AHRR: variants seen among roughly 807,000 people sequenced by gnomAD.
The protein encoded by AHRR is ahR repressor.
AHRR carries 28 observed loss-of-function variants against 44.0 expected under a neutral mutation model. The ratio of observed to expected loss-of-function variants is 0.64; its 90% CI spans 0.47 to 0.87. The LOEUF is 0.87. Among genes scored for constraint, AHRR ranks in the 40% least tolerant of loss-of-function variants. The pLI is 0.00. For synonymous variants in AHRR, 434 were observed against 407.0 expected (o/e 1.07, Z -0.80); for missense variants, 990 against 953.9 (o/e 1.04, Z -0.50).
At position 437,747 on chromosome 5, in the gene AHRR, G is replaced by A. The variant is rs34847072; in HGVS notation, c.*2913G>A. 1 of 152,330 alleles carries A rather than the reference G, an allele frequency of 6.6e-6. No individual in the cohort carries two copies. Among genetic ancestry groups the A allele is most frequent in the East Asian group, 1.9e-4 (1 of 5,318 alleles). 9.4% of individuals were successfully genotyped at this position (152,330 alleles called of 1,614,324 possible). A position where few individuals can be genotyped will look rare whatever the true frequency, so the allele number is the denominator to read the frequency against. On this transcript the variant is annotated 3_prime_UTR_variant, in exon 11 of 11. Transcript: ENST00000684583. ...TCAGCACGTGGGTGTTGGCTCTGCC[G>A]GTTTTGTGGTGTGGGGACCCTACAG...
chr5:354,373 G>C (rs1428000479), intron 3 of AHRR, among the ~76,000 whole-genome samples: 1 of 152,276 alleles, frequency 6.6e-6, no homozygotes, highest in Non-Finnish European at 1.5e-5. Context: ...GGTGGGACCC[G>C]GGGGCTGCCC....
In AHRR at chr5:383,990, T is replaced by C. The variant is rs1337099414; in HGVS notation, c.351+7274T>C. On this transcript the variant is annotated intron_variant, in intron 4 of 10. Coordinates refer to ENST00000684583, the MANE Select transcript of AHRR (RefSeq NM_001377236.1). The surrounding 1 kb of genome is among the most constrained non-coding windows in gnomAD (Gnocchi z 4.0). ...CAGTATGTAAGTTGGGCCTTGATTT[T>C]TTTTCAATCAAGTCTGACAATCTCT... Among the ~76,000 whole-genome samples, 1 of 152,212 alleles carries C rather than the reference T, an allele frequency of 6.6e-6. No homozygotes were observed. Among genetic ancestry groups the C allele is most frequent in the African/African-American group, 2.4e-5 (1 of 41,456 alleles).
At chr5:332,135 G>T (rs898432066) in intron 1 of AHRR, among the ~76,000 whole-genome samples, 2 of 151,644 alleles carry the variant, frequency 1.3e-5, no homozygotes, top group East Asian at 1.9e-4. Context: ...ATTTATTTAT[G>T]ATTTTATTCC....
At chr5:376,561 G>GGGTGAA (rs1733704564) in intron 3 of AHRR, 49 bp from the exon 4 acceptor site, 12 of 1,479,920 alleles carry the variant, frequency 8.1e-6, no homozygotes, top group East Asian at 2.3e-5. Context: ...AAGAAGAGTG[G>GGGTGAA]CCAGGCCAAG....
intron 4 of AHRR, among the ~76,000 whole-genome samples, chr5:408,181 T>A (rs1181672630): frequency 6.6e-6 from 1 of 152,238 alleles, no homozygotes. Flanking sequence ...CAAAAGCAAG[T>A]GGCAGGCCAT....
intron 4 of AHRR, among the ~76,000 whole-genome samples, chr5:401,993 C>T (rs974100267): frequency 6.6e-6 from 1 of 152,152 alleles, no homozygotes; most frequent in African/African-American, 2.4e-5. Flanking sequence ...GCAAAGGAAA[C>T]CGTCAACACA....
At chr5:329,167 T>C (rs1443717315) in intron 1 of AHRR, among the ~76,000 whole-genome samples, 1 of 152,178 alleles carries the variant, frequency 6.6e-6, no homozygotes, top group East Asian at 1.9e-4. Context: ...ATTTTAGGAT[T>C]ATTTTTCTTT....
Position 432,543 on chromosome 5 carries a change from A to G in AHRR, c.970+19A>G, listed in dbSNP as rs1736778195. On this transcript the variant is annotated intron_variant, in intron 9 of 10. Transcript: ENST00000684583. ...TCAGCAGGTACTTAGAACATTTCTT[A>G]TCTGATCTTTTCCACATGGGTAAAA... 6.2e-7 allele frequency: 1 copy of G among 1,610,808 alleles called. No homozygotes were observed. Among genetic ancestry groups the G allele is most frequent in the East Asian group, 2.2e-5 (1 of 44,866 alleles).
At chr5:422,910 A>G (rs1259133169) in intron 6 of AHRR, 52 bp downstream of exon 6, 12 of 1,552,866 alleles carry the variant, frequency 7.7e-6, no homozygotes, top group Middle Eastern at 1.9e-4. Flanking sequence ...AGGTCCCATA[A>G]CACATCGCTG....
At chr5:420,405 G>C (rs1397155299) in intron 5 of AHRR, among the ~76,000 whole-genome samples, 3 of 140,210 alleles carry the variant, frequency 2.1e-5, no homozygotes, top group Non-Finnish European at 5.0e-5. Flanking sequence ...GACTCCCCGA[G>C]CAAAGGAGGA....
At chr5:356,559 G>A (rs1462482942) in intron 3 of AHRR, among the ~76,000 whole-genome samples, 3 of 52,282 alleles carry the variant, frequency 5.7e-5, no homozygotes, top group East Asian at 7.3e-4. Flanking sequence ...CCTCAGTCAC[G>A]GAGTCCACCC....
chr5:412,421 A>C (rs1035359011), intron 4 of AHRR, among the ~76,000 whole-genome samples: 1 of 152,196 alleles, frequency 6.6e-6, no homozygotes, highest in Non-Finnish European at 1.5e-5. Context: ...CCTCATCTTA[A>C]GCAGCTCCAG....
At position 423,990 on chromosome 5, in the gene AHRR, G is replaced by C; in HGVS notation, c.708+13G>C. ...CTCGGGCTTCCTGGTGAGTGCGTGG[G>C]TCCCTGGCAGGGGGCTCCCGACATC... On this transcript the variant is annotated intron_variant, in intron 7 of 10. Coordinates refer to ENST00000684583, the MANE Select transcript of AHRR (RefSeq NM_001377236.1). 6.3e-7 allele frequency: 1 copy of C among 1,593,020 alleles called. No individual in the cohort carries two copies. Among genetic ancestry groups the C allele is most frequent in the Non-Finnish European group, 8.5e-7 (1 of 1,175,576 alleles).
At chr5:354,670 G>T (rs1365944756) in intron 3 of AHRR, among the ~76,000 whole-genome samples, 6 of 152,194 alleles carry the variant, frequency 3.9e-5, no homozygotes, top group Non-Finnish European at 5.9e-5. Flanking sequence ...GTTGGGTGAC[G>T]TGCCTGCACG....
intron 3 of AHRR, among the ~76,000 whole-genome samples, chr5:361,642 C>T (rs572241994): frequency 2.6e-5 from 4 of 152,286 alleles, no homozygotes; most frequent in African/African-American, 4.8e-5. Context: ...AGGTCTCAGG[C>T]GCTTTGCCTT....
At position 434,215 on chromosome 5, in the gene AHRR, T is replaced by G; in HGVS notation, c.1475T>G (p.Leu492Arg). 1 of 1,589,008 alleles carries G rather than the reference T, an allele frequency of 6.3e-7. No homozygotes were observed. Among genetic ancestry groups the G allele is most frequent in the Non-Finnish European group, 8.6e-7 (1 of 1,167,654 alleles). The change falls in exon 11 of 11, where the codon CTC becomes CGC. Residue 492 changes from leucine to arginine, a missense_variant. By Grantham distance (102) the Leu-to-Arg change is moderately radical. Transcript: ENST00000684583. Reference protein sequence around the residue: ...HFPQRSLQHQLPQPGAQRFAT... With the variant: ...HFPQRSLQHQRPQPGAQRFAT... ...CCCCAGAGGAGCCTGCAGCACCAGC[T>G]CCCTCAGCCTGGAGCTCAGCGTTTT... is the stretch of plus-strand genomic sequence containing the variant.
Position 404,129 on chromosome 5 carries a change from C to G in AHRR, c.352-9215C>G, listed in dbSNP as rs1735153525. On this transcript the variant is annotated intron_variant, in intron 4 of 10. Transcript: ENST00000684583. The surrounding 1 kb of genome is among the most constrained non-coding windows in gnomAD (Gnocchi z 4.1). Reference sequence around the variant, plus strand: ...GGTCCAGGTTTGGGGTTACCCTTCTCCGTCTCTCTCAGCCTCAGCCGTTCC... The same window carrying G: ...GGTCCAGGTTTGGGGTTACCCTTCTGCGTCTCTCTCAGCCTCAGCCGTTCC... 1 of 548,556 alleles carries G rather than the reference C, an allele frequency of 1.8e-6. No individual in the cohort carries two copies. Among genetic ancestry groups the G allele is most frequent in the Non-Finnish European group, 3.5e-6 (1 of 287,498 alleles). The allele number at this position is 548,556 out of a possible 1,614,324, so 34.0% of individuals were successfully genotyped here. A position where few individuals can be genotyped will look rare whatever the true frequency, so the allele number is the denominator to read the frequency against.
intron 2 of AHRR, among the ~76,000 whole-genome samples, chr5:350,857 A>G (rs1385051587): frequency 6.6e-6 from 1 of 152,096 alleles, no homozygotes; most frequent in East Asian, 1.9e-4. Flanking sequence ...CGTGTACTCA[A>G]TAAGGGCCTG....
At chr5:384,512 C>T (rs1160086224) in intron 4 of AHRR, among the ~76,000 whole-genome samples, 1 of 152,094 alleles carries the variant, frequency 6.6e-6, no homozygotes, top group African/African-American at 2.4e-5. Flanking sequence ...CAACCTCCAC[C>T]TCCTGGGTTC....
Sources: gnomAD v4.1 joint callset for allele counts (sites outside exome capture counted in the v4.1 genomes callset) on GRCh38, gnomAD v4.1.1 for gene constraint, Gnocchi (gnomAD v3.1) non-coding constraint, MANE v1.5 for transcripts, NCBI Gene and HGNC (gene_info 2026-07-23, HGNC 2026-07-21) for gene names.